PEMT: variants seen among roughly 807,000 people sequenced by gnomAD.
PEMT encodes phospholipid methyltransferase.
Under a neutral mutation model 27.4 loss-of-function variants are expected in PEMT, and 23 were observed. The ratio of observed to expected loss-of-function variants is 0.84; its 90% CI spans 0.60 to 1.19. The LOEUF (loss-of-function observed/expected upper bound fraction) is 1.19. Among genes scored for constraint, PEMT ranks in the 50% most tolerant of loss-of-function variants. The pLI is 0.00. For synonymous variants in PEMT, 137 were observed against 139.1 expected, an observed-to-expected ratio of 0.98 and a Z score of 0.11; for missense variants, 307 against 310.1, an observed-to-expected ratio of 0.99 and a Z score of 0.07.
At chr17:17,511,651 G>A (rs1241102626) in intron 4 of PEMT, among the ~76,000 whole-genome samples, 1 of 152,242 alleles carries the variant, frequency 6.6e-6, no homozygotes, top group Non-Finnish European at 1.5e-5. Context: ...TGATGGGGAG[G>A]AAGACGTGGG....
At chr17:17,520,201 C>A (rs1261263856) in intron 3 of PEMT, among the ~76,000 whole-genome samples, 1 of 152,162 alleles carries the variant, frequency 6.6e-6, no homozygotes, top group East Asian at 1.9e-4. Flanking sequence ...GGCACAGACC[C>A]CTGACTGTCC....
intron 4 of PEMT, among the ~76,000 whole-genome samples, chr17:17,511,719 A>G (rs1042538657): frequency 6.6e-6 from 1 of 152,140 alleles, no homozygotes; most frequent in Non-Finnish European, 1.5e-5. Context: ...CTCCCTGCTC[A>G]CTGGGAGGGG....
rs574478257 is a variant in PEMT at position 17,529,785 on chromosome 17, C to T, written c.205-7390G>A. On this transcript the variant is annotated intron_variant, in intron 2 of 6. Transcript: ENST00000255389. ...AGAAAGAGCAATAGGAACATGGGCT[C>T]TGAGTTCAAATTCTAGCTCCAGCAC... Among the ~76,000 whole-genome samples the T allele has an allele frequency of 2.2e-4, 33 of 152,292 alleles. No homozygotes were observed. In the South Asian group the frequency reaches 6.4e-3, roughly 30 times the overall value.
chr17:17,524,600 CAAA>C (rs35917481), intron 2 of PEMT, among the ~76,000 whole-genome samples: 5 of 129,360 alleles, frequency 3.9e-5, no homozygotes, highest in Middle Eastern at 4.2e-3. Context: ...CCTGTCTCTC[CAAA>C]AAAAAAAAAA....
intron 2 of PEMT, among the ~76,000 whole-genome samples, chr17:17,559,187 C>G (rs1910288500): frequency 6.6e-6 from 1 of 152,200 alleles, no homozygotes; most frequent in South Asian, 2.1e-4. Flanking sequence ...CTGGTCCCAG[C>G]CCCTTCTCCA....
chr17:17,518,445 C>T (rs1313336568), intron 3 of PEMT, among the ~76,000 whole-genome samples: 1 of 152,232 alleles, frequency 6.6e-6, no homozygotes, highest in Admixed American at 6.5e-5. Flanking sequence ...CATTCACACT[C>T]CACAGCCAGA....
At chr17:17,572,745 A>C (rs1597952898) in intron 2 of PEMT, among the ~76,000 whole-genome samples, 1 of 152,390 alleles carries the variant, frequency 6.6e-6, no homozygotes, top group East Asian at 1.9e-4. Flanking sequence ...AGAATGTATG[A>C]ATGAACCTCT....
At chr17:17,577,287 T>A in intron 1 of PEMT, 1 of 473,044 alleles carries the variant, frequency 2.1e-6, no homozygotes, top group South Asian at 2.2e-5. Flanking sequence ...TGAAGAGGGG[T>A]GCCTGGCACC....
intron 3 of PEMT, among the ~76,000 whole-genome samples, chr17:17,514,888 T>G (rs1597875232): frequency 6.6e-6 from 1 of 151,600 alleles, no homozygotes. Context: ...CAGACAGGGG[T>G]TGGGAGGGGC....
Position 17,561,928 on chromosome 17 carries a change from C to A in PEMT, c.204+14992G>T, listed in dbSNP as rs753844529. ...CAGCAGCCGGGAAGCTGGGCTGTTG[C>A]GAAGTTGGCGCAGGGCATGTGAGGG... On this transcript the variant is annotated intron_variant, in intron 2 of 6. Transcript: ENST00000255389. This position sits in a 1 kb window ranked among gnomAD's most constrained non-coding sequence, Gnocchi z 4.5. 2.0e-5 allele frequency among the ~76,000 whole-genome samples: 3 copies of A among 152,148 alleles called. No homozygotes were observed. Among genetic ancestry groups the A allele is most frequent in the Non-Finnish European group, 4.4e-5 (3 of 68,012 alleles).
At chr17:17,567,757 C>A (rs1910929117) in intron 2 of PEMT, among the ~76,000 whole-genome samples, 1 of 152,242 alleles carries the variant, frequency 6.6e-6, no homozygotes, top group African/African-American at 2.4e-5. Context: ...GCTCCTAGAG[C>A]CAAGGTCTCA....
chr17:17,570,860 T>G, intron 2 of PEMT: 1 of 985,314 alleles, frequency 1.0e-6, no homozygotes, highest in African/African-American at 1.7e-5. Flanking sequence ...AGGGTACAGA[T>G]CCGGGGGCAG....
chr17:17,558,658 A>G (rs576590006), intron 2 of PEMT, among the ~76,000 whole-genome samples: 1 of 144,718 alleles, frequency 6.9e-6, no homozygotes, highest in Admixed American at 6.9e-5. Context: ...ACTCCTGCCC[A>G]GGCAGAGTGA....
chr17:17,518,811 C>T (rs1907047742), intron 3 of PEMT, among the ~76,000 whole-genome samples: 1 of 152,170 alleles, frequency 6.6e-6, no homozygotes, highest in Non-Finnish European at 1.5e-5. Flanking sequence ...AACAGGCACA[C>T]TCATGGGGAC....
At chr17:17,578,986 C>T (rs1911810550) in intron 1 of PEMT, among the ~76,000 whole-genome samples, 1 of 152,108 alleles carries the variant, frequency 6.6e-6, no homozygotes, top group Non-Finnish European at 1.5e-5. Context: ...TAAAGTCCAT[C>T]AGAGCTGTGA....
intron 2 of PEMT, 112 bp from the exon 3 acceptor site, chr17:17,522,507 A>C: frequency 1.4e-6 from 1 of 710,666 alleles, no homozygotes; most frequent in Non-Finnish European, 2.5e-6. Context: ...CCCATTTCCA[A>C]AGAAGAAGAA....
intron 2 of PEMT, among the ~76,000 whole-genome samples, chr17:17,528,842 G>C (rs2142559930): frequency 6.6e-6 from 1 of 152,366 alleles, no homozygotes; most frequent in South Asian, 2.1e-4. Context: ...GGCTGCCAAG[G>C]CTACTGGGCA....
At chr17:17,507,065 GCGGCAGCT>G in intron 5 of PEMT, 1 of 1,101,606 alleles carries the variant, frequency 9.1e-7, no homozygotes, top group South Asian at 1.4e-5. Context: ...CCAGTAAGCA[GCGGCAGCT>G]CGTCAGTGAC....
chr17:17,585,619 G>A (rs1249677460), intron 1 of PEMT, among the ~76,000 whole-genome samples: 1 of 152,126 alleles, frequency 6.6e-6, no homozygotes. Flanking sequence ...TGTTTCAATT[G>A]ACCATTTAAA....
Sources: allele counts gnomAD v4.1 joint callset (sites outside exome capture counted in the v4.1 genomes callset), GRCh38; gene constraint gnomAD v4.1.1; non-coding constraint Gnocchi (gnomAD v3.1); transcripts MANE v1.5; gene names NCBI Gene and HGNC (gene_info 2026-07-23, HGNC 2026-07-21).